Variants in MYCBP2 observed in about 807,000 individuals in gnomAD.
The protein encoded by MYCBP2 is MYC binding protein 2.
In MYCBP2, 120 loss-of-function variants were observed where a neutral mutation model predicts 525.3. That is an observed-to-expected ratio of 0.23 (90% CI 0.20 to 0.27). The LOEUF (loss-of-function observed/expected upper bound fraction) is 0.27, where lower values mean the gene tolerates loss of function less well. Among genes scored for constraint, MYCBP2 ranks in the 10% least tolerant of loss-of-function variants. The pLI is 1.00. For synonymous variants in MYCBP2, 1,894 were observed against 1,955.8 expected, an observed-to-expected ratio of 0.97 and a Z score of 0.83; for missense variants, 4,149 against 5,657.1, an observed-to-expected ratio of 0.73 and a Z score of 8.55.
chr13:77,195,500 G>C (rs976828127), intron 26 of MYCBP2, among the ~76,000 whole-genome samples: 1 of 152,100 alleles, frequency 6.6e-6, no homozygotes, highest in Non-Finnish European at 1.5e-5. Flanking sequence ...GGGAAGCTGA[G>C]GCAGAAGAAT....
rs2036930104 is a variant in MYCBP2, at chr13:77,052,060, G to A, written c.13648-142C>T. On this transcript the variant is annotated intron_variant, in intron 80 of 82. Coordinates refer to ENST00000544440, the MANE Select transcript of MYCBP2 (RefSeq NM_015057.5). The stretch of plus-strand genomic sequence containing the variant: ...TAGACCATCCCTTGAAATGCCAAGT[G>A]CATGCCCATATTGCTTGCTGACTGT... 3 of 633,476 alleles carry A rather than the reference G, an allele frequency of 4.7e-6. No individual in the cohort carries two copies. In the South Asian group the frequency reaches 6.2e-5, roughly 13 times the overall value. The allele number at this position is 633,476 out of a possible 1,614,324, so 39.2% of individuals were successfully genotyped here.
rs1447148866 is a variant in MYCBP2, at chr13:77,108,762, G to T, written c.8141-9749C>A. 2.0e-5 allele frequency among the ~76,000 whole-genome samples: 3 copies of T among 151,426 alleles called. No individual in the cohort carries two copies. The East Asian group carries it at 5.8e-4, about 29-fold the overall frequency. ...TCTGTTGCCCAGGCTAAAGTGCAGA[G>T]GCACGATCTCAGCTCACTGCAAGCT... On this transcript the variant is annotated intron_variant, in intron 55 of 82. Coordinates refer to ENST00000544440, the MANE Select transcript of MYCBP2 (RefSeq NM_015057.5).
chr13:77,273,638 G>C lies in MYCBP2; in HGVS notation c.779C>G (p.Thr260Ser). The C allele has an allele frequency of 6.4e-7, 1 of 1,558,288 alleles. No homozygotes were observed. The highest frequency in any genetic ancestry group is 8.6e-7 in the Non-Finnish European group (1 of 1,157,834). ...GTCATTCATCCCAGTACTTCGAACG[G>C]TGATTTCCAAAAGAAGCTGGAAGAG... The part of the protein sequence containing the change: ...ESLFQLLLEI[T>S]VRSTGMNDST... Residue 260 changes from threonine to serine, a missense_variant, in exon 5 of 83, where the codon ACC becomes AGC. Thr to Ser is a moderately conservative substitution (Grantham distance 58). Transcript: ENST00000544440.
At chr13:77,283,526 T>G (rs1290352732) in intron 3 of MYCBP2, among the ~76,000 whole-genome samples, 1 of 152,108 alleles carries the variant, frequency 6.6e-6, no homozygotes, top group Non-Finnish European at 1.5e-5. Context: ...CCTAGGTAAG[T>G]CTAAATCTTT....
At chr13:77,296,985 G>C (rs976259750) in intron 1 of MYCBP2, among the ~76,000 whole-genome samples, 3 of 152,130 alleles carry the variant, frequency 2.0e-5, no homozygotes, top group African/African-American at 7.2e-5. Flanking sequence ...TATCCATAGT[G>C]GGATGTTTAC....
At position 77,224,489 on chromosome 13, in the gene MYCBP2, C is replaced by A; in HGVS notation, c.2901G>T (p.Gly967=). Reference sequence around the variant, plus strand: ...CTCCATGTCCTAGCTGCCCATGCTGCCCATAACCAAATGTATAGACATCTC... The same window carrying A: ...CTCCATGTCCTAGCTGCCCATGCTGACCATAACCAAATGTATAGACATCTC... ...ENGDVYTFGY[G]QHGQLGHGDV... The change falls in exon 20 of 83, where the codon GGG becomes GGT. Residue 967 remains glycine (G), a synonymous_variant. Coordinates refer to ENST00000544440, the MANE Select transcript of MYCBP2 (RefSeq NM_015057.5). The A allele has an allele frequency of 6.2e-7, 1 of 1,610,476 alleles. No individual in the cohort carries two copies. The highest frequency in any genetic ancestry group is 8.5e-7 in the Non-Finnish European group (1 of 1,178,058).
chr13:77,214,347 A>G (rs911689693), intron 21 of MYCBP2, among the ~76,000 whole-genome samples: 13 of 152,210 alleles, frequency 8.5e-5, no homozygotes, highest in Admixed American at 7.2e-4. Flanking sequence ...AACAATATTC[A>G]CTACTACCAT....
At chr13:77,225,720 A>G (rs1310795553) in intron 18 of MYCBP2, among the ~76,000 whole-genome samples, 166 bp from the exon 19 acceptor site, 1 of 152,242 alleles carries the variant, frequency 6.6e-6, no homozygotes, top group Non-Finnish European at 1.5e-5. Context: ...CCTGCAAAGA[A>G]GGAATTTTGA....
At chr13:77,201,970 C>T (rs2062643894) in intron 26 of MYCBP2, among the ~76,000 whole-genome samples, 1 of 152,060 alleles carries the variant, frequency 6.6e-6, no homozygotes, top group South Asian at 2.1e-4. Context: ...ACCCTAACAT[C>T]ATAATTAAAG....
At position 77,067,609 on chromosome 13, in the gene MYCBP2, C is replaced by T; in HGVS notation, c.12427G>A (p.Val4143Ile). ...GTTVGKGVTTVTLPMIFNSSY... is the reference protein window; with the variant it reads ...GTTVGKGVTTITLPMIFNSSY... ...GAATTGAAAATCATCGGAAGAGTAA[C>T]TGTTGTAACTCCTTTGCCCACAGTG... Residue 4143 changes from valine to isoleucine, a missense_variant, in exon 71 of 83, where the codon GTT (valine) becomes ATT (isoleucine). Physicochemically the swap from Val to Ile is conservative, Grantham distance 29 (BLOSUM62 3). Coordinates refer to ENST00000544440, the MANE Select transcript of MYCBP2 (RefSeq NM_015057.5). 1.2e-6 allele frequency: 2 copies of T among 1,614,092 alleles called. No homozygotes were observed. Among genetic ancestry groups the T allele is most frequent in the Non-Finnish European group, 1.7e-6 (2 of 1,179,956 alleles).
intron 17 of MYCBP2, among the ~76,000 whole-genome samples, chr13:77,235,278 G>T (rs943334694): frequency 5.3e-5 from 8 of 151,920 alleles, no homozygotes; most frequent in African/African-American, 1.9e-4. Flanking sequence ...AGTAAGAAAA[G>T]ATACTAAATA....
At chr13:77,069,393 C>A (rs577301707) in intron 69 of MYCBP2, among the ~76,000 whole-genome samples, 7 of 152,118 alleles carry the variant, frequency 4.6e-5, no homozygotes, top group Non-Finnish European at 1.5e-5. Flanking sequence ...GAGGCCGAGG[C>A]GGGCGGATCA....
At chr13:77,241,079 C>T (rs187217360) in intron 17 of MYCBP2, among the ~76,000 whole-genome samples, 112 of 152,146 alleles carry the variant, frequency 7.4e-4, no homozygotes, top group Non-Finnish European at 1.3e-3. Context: ...GATACAACAA[C>T]ATAATTTCTT....
chr13:77,055,505 T>C, intron 80 of MYCBP2, 53 bp downstream of exon 80: 1 of 1,429,460 alleles, frequency 7.0e-7, no homozygotes, highest in South Asian at 1.2e-5. Flanking sequence ...GAATTCTTAA[T>C]CATATAGGTA....
intron 3 of MYCBP2, among the ~76,000 whole-genome samples, chr13:77,284,628 C>T (rs1382798994): frequency 6.6e-6 from 1 of 152,180 alleles, no homozygotes; most frequent in East Asian, 1.9e-4. Context: ...CTAGAAGTTT[C>T]ATTTGCTTGC....
At chr13:77,269,038 T>C (rs1356276230) in intron 7 of MYCBP2, among the ~76,000 whole-genome samples, 1 of 152,180 alleles carries the variant, frequency 6.6e-6, no homozygotes, top group African/African-American at 2.4e-5. Context: ...TAGTCCCTCT[T>C]GTCCATCCTT....
At chr13:77,115,035 T>A (rs2049477543) in intron 55 of MYCBP2, among the ~76,000 whole-genome samples, 1 of 151,940 alleles carries the variant, frequency 6.6e-6, no homozygotes, top group African/African-American at 2.4e-5. Context: ...TTGGCTTTAA[T>A]TACTAAGAGA....
chr13:77,093,061 G>T, intron 59 of MYCBP2, 104 bp downstream of exon 59: 1 of 1,131,934 alleles, frequency 8.8e-7, no homozygotes, highest in African/African-American at 1.6e-5. Flanking sequence ...TAGCAAAACT[G>T]GCTCACAGAT....
intron 47 of MYCBP2, among the ~76,000 whole-genome samples, chr13:77,148,348 A>G (rs1363096890): frequency 1.3e-5 from 2 of 151,970 alleles, no homozygotes; most frequent in Non-Finnish European, 2.9e-5. Flanking sequence ...AACCTCAATA[A>G]CTTCAACTTT....
Sources: allele counts gnomAD v4.1 joint callset (sites outside exome capture counted in the v4.1 genomes callset), GRCh38; gene constraint gnomAD v4.1.1; transcripts MANE v1.5; gene names NCBI Gene and HGNC (gene_info 2026-07-23, HGNC 2026-07-21).